Variants in CTAG2 observed in about 807,000 individuals in gnomAD.
The protein encoded by CTAG2 is cancer/testis antigen 2.
Under a neutral mutation model 5.7 loss-of-function variants are expected in CTAG2, and 5 were observed. That is an observed-to-expected ratio of 0.88 (90% CI 0.46 to 1.85). The LOEUF (loss-of-function observed/expected upper bound fraction) is 1.85, where lower values mean the gene tolerates loss of function less well. Ranked by LOEUF, CTAG2 falls within the 40% of genes most tolerant of loss-of-function variation. The probability of loss-of-function intolerance (pLI) is 0.01; values close to 1 mark genes in which losing one functional copy is unlikely to be tolerated. For synonymous variants in CTAG2, 63 were observed against 80.9 expected, an observed-to-expected ratio of 0.78 and a Z score of 1.19; for missense variants, 151 against 169.9, an observed-to-expected ratio of 0.89 and a Z score of 0.62.
At position 154,653,333 on chromosome X, in the gene CTAG2, C is replaced by A; in HGVS notation, c.183G>T (p.Pro61=). The change falls in exon 1 of 3, where the codon CCG becomes CCT. Residue 61 remains proline (P), a synonymous_variant. Transcript: ENST00000369585. ...ARASGPRGGA[P]RGPHGGAASA... Reference sequence around the variant, plus strand: ...AAGCGGCACCGCCATGCGGACCCCGCGGGGCGCCTCCTCTCGGCCCCGAGG... The same window carrying A: ...AAGCGGCACCGCCATGCGGACCCCGAGGGGCGCCTCCTCTCGGCCCCGAGG... 2 of 1,206,321 alleles carry A rather than the reference C, an allele frequency of 1.7e-6. No individual in the cohort carries two copies. The highest frequency in any genetic ancestry group is 2.2e-6 in the Non-Finnish European group (2 of 892,973).
chrX:154,652,608 G>A lies in CTAG2; in HGVS notation c.293C>T (p.Ser98Leu), dbSNP rs139371738. 3.2e-5 allele frequency: 38 copies of A among 1,199,717 alleles called. No individual in the cohort carries two copies. The highest frequency in any genetic ancestry group is 2.1e-5 in the Non-Finnish European group (19 of 889,259). ...GCGGACCAGCTCCGCTTCCATGGGC[G>A]ACGAGAAAGGCATCGTGATGTGCCT... ...LELHITMPFS[S>L]PMEAELVRRI... Residue 98 changes from serine to leucine, a missense_variant, in exon 2 of 3, where the codon TCG becomes TTG. By Grantham distance (145) the Ser-to-Leu change is moderately radical. This residue lies in a region of CTAG2 where 147 missense variants were observed against 151.0 expected (regional missense o/e 0.97). Coordinates refer to ENST00000369585, the MANE Select transcript of CTAG2 (RefSeq NM_172377.5).
intron 1 of CTAG2, 43 bp from the exon 2 acceptor site, chrX:154,652,674 C>A: frequency 8.6e-7 from 1 of 1,161,895 alleles, no homozygotes; most frequent in Non-Finnish European, 1.2e-6. Context: ...AGGATTTGGC[C>A]GGTGCCCATC....
At chrX:154,652,999 G>T (rs782519708) in intron 1 of CTAG2, among the ~76,000 whole-genome samples, 28 of 91,210 alleles carry the variant, frequency 3.1e-4, no homozygotes, top group African/African-American at 1.2e-3. Flanking sequence ...GCACCCAACT[G>T]TGCACACGCT....
At chrX:154,652,377 A>G in intron 2 of CTAG2, 110 bp from the exon 3 acceptor site, 2 of 1,210,742 alleles carry the variant, frequency 1.7e-6, no homozygotes, top group Non-Finnish European at 1.1e-6. Flanking sequence ...CTGTTCTGAG[A>G]CCTTGTGTTT....
At position 154,651,984 on chromosome X, in the gene CTAG2, T is replaced by C. The variant is rs2070153446; in HGVS notation, c.*145A>G. The C allele has an allele frequency of 1.9e-6, 2 of 1,071,509 alleles. No homozygotes were observed. Among genetic ancestry groups the C allele is most frequent in the African/African-American group, 3.8e-5 (2 of 52,947 alleles). 88.3% of individuals were successfully genotyped at this position (1,071,509 alleles called of 1,213,427 possible). A position where few individuals can be genotyped will look rare whatever the true frequency, so the allele number is the denominator to read the frequency against. ...AGAGACTCAGACACGGAATCGTAGC[T>C]CAGCTTTATTTTCTACAGAAACAAA... is the stretch of plus-strand genomic sequence containing the variant. On this transcript the variant is annotated 3_prime_UTR_variant, in exon 3 of 3. Coordinates refer to ENST00000369585, the MANE Select transcript of CTAG2 (RefSeq NM_172377.5).
Position 154,651,978 on chromosome X carries a change from C to T in CTAG2, c.*151G>A, listed in dbSNP as rs1252396854. ...CCGAAAAGAGACTCAGACACGGAAT[C>T]GTAGCTCAGCTTTATTTTCTACAGA... On this transcript the variant is annotated 3_prime_UTR_variant, in exon 3 of 3. Transcript: ENST00000369585. 9.5e-6 allele frequency: 10 copies of T among 1,052,456 alleles called. No homozygotes were observed. The highest frequency in any genetic ancestry group is 1.3e-5 in the Non-Finnish European group (10 of 797,200). 86.7% of individuals were successfully genotyped at this position (1,052,456 alleles called of 1,213,427 possible).
At chrX:154,652,678 G>A in intron 1 of CTAG2, 47 bp from the exon 2 acceptor site, 1 of 1,160,467 alleles carries the variant, frequency 8.6e-7, no homozygotes, top group Non-Finnish European at 1.2e-6. Flanking sequence ...TTTGGCCGGT[G>A]CCCATCTCAT....
chrX:154,652,685 T>C, intron 1 of CTAG2, 54 bp from the exon 2 acceptor site: 2 of 1,150,733 alleles, frequency 1.7e-6, no homozygotes, highest in Non-Finnish European at 2.3e-6. Context: ...GGTGCCCATC[T>C]CATCCCCTCA....
chrX:154,653,140 C>A, intron 1 of CTAG2, 107 bp downstream of exon 1: 1 of 1,013,290 alleles, frequency 9.9e-7, no homozygotes, highest in Non-Finnish European at 1.3e-6. Context: ...CTGGCCCTGC[C>A]CTCACCCACC....
Position 154,652,484 on chromosome X carries a change from G to C in CTAG2, c.404+13C>G, listed in dbSNP as rs781819203. The C allele has an allele frequency of 8.3e-7, 1 of 1,210,711 alleles. No homozygotes were observed. Among genetic ancestry groups the C allele is most frequent in the Admixed American group, 2.2e-5 (1 of 46,005 alleles). ...TCCGCCCAGCGCCTTCCCTGTCCTG[G>C]TCCCGAACTGACATAAACAGTAGGT... is the stretch of plus-strand genomic sequence containing the variant. On this transcript the variant is annotated intron_variant, in intron 2 of 2. Transcript: ENST00000369585.
intron 1 of CTAG2, among the ~76,000 whole-genome samples, chrX:154,652,882 A>G (rs1310861699): frequency 2.5e-5 from 2 of 81,449 alleles, no homozygotes; most frequent in South Asian, 6.8e-4. Flanking sequence ...TCCAGCCCAC[A>G]CCCCAGCCAC....
intron 2 of CTAG2, 72 bp downstream of exon 2, chrX:154,652,425 G>A: frequency 5.0e-6 from 6 of 1,211,256 alleles, no homozygotes; most frequent in Non-Finnish European, 6.7e-6. Flanking sequence ...CCCCTCCGGG[G>A]AGGCGGATCC....
intron 1 of CTAG2, 25 bp from the exon 2 acceptor site, chrX:154,652,656 C>T: frequency 8.5e-7 from 1 of 1,179,022 alleles, no homozygotes; most frequent in Non-Finnish European, 1.1e-6. Flanking sequence ...GTTAAGGTGC[C>T]ATCTCCTAGG....
At chrX:154,652,340 T>G in intron 2 of CTAG2, 73 bp from the exon 3 acceptor site, 1 of 1,210,905 alleles carries the variant, frequency 8.3e-7, no homozygotes, top group East Asian at 3.0e-5. Flanking sequence ...CTCCCTCGGG[T>G]GGCGGCGGGC....
chrX:154,652,095 G>A lies in CTAG2; in HGVS notation c.*34C>T. On this transcript the variant is annotated 3_prime_UTR_variant, in exon 3 of 3. Transcript: ENST00000369585. ...GTGCTGGGACCATTCCCTAGGGGAG[G>A]AGGCATGACCTAGGAAGGGGCGCCA... The A allele has an allele frequency of 8.3e-7, 1 of 1,207,144 alleles. No individual in the cohort carries two copies. Among genetic ancestry groups the A allele is most frequent in the South Asian group, 1.8e-5 (1 of 56,248 alleles).
chrX:154,652,327 G>T (rs1217169366), intron 2 of CTAG2, 60 bp from the exon 3 acceptor site: 5 of 1,209,443 alleles, frequency 4.1e-6, no homozygotes, highest in Non-Finnish European at 5.6e-6. Flanking sequence ...CCATCTCCCT[G>T]GGCTCCCTCG....
At position 154,652,116 on chromosome X, in the gene CTAG2, C is replaced by A; in HGVS notation, c.*13G>T. 8.3e-7 allele frequency: 1 copy of A among 1,208,567 alleles called. No individual in the cohort carries two copies. The stretch of plus-strand genomic sequence containing the variant: ...GGAGGAGGCATGACCTAGGAAGGGG[C>A]GCCAGGCTGGGCTTAGCGCCTCTGC... On this transcript the variant is annotated 3_prime_UTR_variant, in exon 3 of 3. Transcript: ENST00000369585.
At chrX:154,652,704 C>T in intron 1 of CTAG2, 73 bp from the exon 2 acceptor site, 4 of 1,097,465 alleles carry the variant, frequency 3.6e-6, no homozygotes, top group Non-Finnish European at 4.9e-6. Context: ...CAGGCTGTCT[C>T]CCCACGCACT....
In CTAG2 at chrX:154,653,477, G is replaced by A. The variant is rs1207014325; in HGVS notation, c.39C>T (p.Gly13=). 5 of 1,110,581 alleles carry A rather than the reference G, an allele frequency of 4.5e-6. No homozygotes were observed. Among genetic ancestry groups the A allele is most frequent in the Admixed American group, 5.9e-5 (2 of 33,656 alleles). 91.5% of individuals were successfully genotyped at this position (1,110,581 alleles called of 1,213,427 possible). The change falls in exon 1 of 3, where the codon GGC becomes GGT. Residue 13 remains glycine, a synonymous_variant. Transcript: ENST00000369585. ...CAGGGCCTCCTGGGCCATCAGCATC[G>A]CCCGTCGAACCCCCTGTGCCCCGGC... ...AEGRGTGGST[G]DADGPGGPGI...
Sources: gnomAD v4.1 joint callset for allele counts (sites outside exome capture counted in the v4.1 genomes callset) on GRCh38, gnomAD v4.1.1 for gene constraint, gnomAD v4.1.1 regional missense constraint, MANE v1.5 for transcripts, NCBI Gene and HGNC (gene_info 2026-07-23, HGNC 2026-07-21) for gene names.